The following GLYATL1 variants were observed in gnomAD, a reference collection of about 807,000 sequenced individuals.
GLYATL1 encodes the protein glycine N-acyltransferase-like protein 1.
A neutral mutation model predicts 20.0 loss-of-function variants in GLYATL1; 15 were observed. The ratio of observed to expected loss-of-function variants is 0.75; its 90% CI spans 0.50 to 1.15. The LOEUF is 1.15. Ranked by LOEUF, GLYATL1 falls within the 50% of genes most tolerant of loss-of-function variation. The probability of loss-of-function intolerance (pLI) is 0.00; values close to 1 mark genes in which losing one functional copy is unlikely to be tolerated. For synonymous variants in GLYATL1, 151 were observed against 131.5 expected (o/e 1.15, Z -1.01); for missense variants, 380 against 368.5 (o/e 1.03, Z -0.26).
At chr11:58,952,912 G>A (rs983027101) in intron 4 of GLYATL1, among the ~76,000 whole-genome samples, 7 of 152,166 alleles carry the variant, frequency 4.6e-5, no homozygotes, top group African/African-American at 1.7e-4. Flanking sequence ...ATCCGATCCA[G>A]CAATGTCTTT....
At chr11:58,926,605 T>TA (rs1855434909), upstream of GLYATL1, among the ~76,000 whole-genome samples, 4 of 152,314 alleles carry the variant, frequency 2.6e-5, no homozygotes, top group South Asian at 6.2e-4. Flanking sequence ...GACCCATCAG[T>TA]AAACAGTGTT....
rs762138680 is a variant in GLYATL1 at position 58,947,870 on chromosome 11, G to C, written c.91G>C (p.Val31Leu). 7.4e-6 allele frequency: 12 copies of C among 1,612,176 alleles called. No individual in the cohort carries two copies. The highest frequency in any genetic ancestry group is 1.1e-5 in the South Asian group (1 of 91,028). ...IPESLKVYGS[V>L]YHINHGNPFN... is the part of the protein sequence containing the mutation. ...ATCCCTCCTTCAGGTGTATGGCTCTGTGTATCACATCAATCACGGGAACCC... is the reference window on the plus strand; with the variant it reads ...ATCCCTCCTTCAGGTGTATGGCTCTCTGTATCACATCAATCACGGGAACCC... Residue 31 changes from valine to leucine, a missense_variant, in exon 4 of 7, where the codon GTG becomes CTG. By Grantham distance (32) the Val-to-Leu change is conservative (BLOSUM62 1). Transcript: ENST00000532726.
At chr11:58,906,930 A>C (rs1260360820) in intron 1 of GLYATL1, among the ~76,000 whole-genome samples, 7 of 152,162 alleles carry the variant, frequency 4.6e-5, no homozygotes, top group Non-Finnish European at 8.8e-5. Context: ...ACCCCGACAT[A>C]CTGAATCAGA....
rs565417125 is a variant in GLYATL1, at chr11:58,944,111, C to A, written c.-43+445C>A. Among the ~76,000 whole-genome samples, 19 of 152,164 alleles carry A rather than the reference C, an allele frequency of 1.2e-4. No individual in the cohort carries two copies. In the South Asian group the frequency reaches 3.9e-3, roughly 32 times the overall value. ...CTGGCTTATACATTAGGACTGTATA[C>A]CAAGTCTTACAGAAATGGCAAAACA... On this transcript the variant is annotated intron_variant, in intron 2 of 6. Coordinates refer to ENST00000532726, the MANE Select transcript of GLYATL1 (RefSeq NM_001389712.2).
intron 5 of GLYATL1, 92 bp downstream of exon 5, chr11:58,954,988 A>C (rs1204071200): frequency 1.1e-5 from 15 of 1,382,680 alleles, no homozygotes; most frequent in South Asian, 8.4e-5. Flanking sequence ...CTCATTAGAA[A>C]TGTAAATTCA....
At chr11:58,938,582 G>C (rs1412107903), upstream of GLYATL1, among the ~76,000 whole-genome samples, 1 of 152,178 alleles carries the variant, frequency 6.6e-6, no homozygotes, top group Admixed American at 6.5e-5. Context: ...TCAGAACTAA[G>C]CTAGGCCCGG....
chr11:58,937,130 G>A (rs982414578), upstream of GLYATL1, among the ~76,000 whole-genome samples: 2 of 152,138 alleles, frequency 1.3e-5, no homozygotes, highest in Non-Finnish European at 2.9e-5. Flanking sequence ...CTTGCCACCA[G>A]CCACCAGTCA....
upstream of GLYATL1, among the ~76,000 whole-genome samples, chr11:58,922,810 CT>C (rs1455485098): frequency 6.6e-6 from 1 of 152,184 alleles, no homozygotes; most frequent in African/African-American, 2.4e-5. Context: ...AATTTGAATT[CT>C]ATTTAGCCAT....
chr11:58,905,742 G>A (rs1021719794), intron 1 of GLYATL1: 1 of 369,448 alleles, frequency 2.7e-6, no homozygotes, highest in Non-Finnish European at 5.4e-6. Context: ...GACAAATAGG[G>A]AGGGTGGGCG....
Position 58,947,093 on chromosome 11 carries a change from C to G in GLYATL1, c.6C>G (p.Ile2Met). 1 of 1,613,956 alleles carries G rather than the reference C, an allele frequency of 6.2e-7. No individual in the cohort carries two copies. The change falls in exon 3 of 7, where the codon ATC (isoleucine) becomes ATG (methionine). Residue 2 changes from isoleucine to methionine, a missense_variant. Physicochemically the swap from Ile to Met is conservative, Grantham distance 10. Coordinates refer to ENST00000532726, the MANE Select transcript of GLYATL1 (RefSeq NM_001389712.2). M[I>M]LLNNSHKLLA... ...GGTCTGAAGCATCCCACAGAATGAT[C>G]CTACTGAATAACTCCCATAAGCTGC... is the stretch of plus-strand genomic sequence containing the variant.
chr11:58,942,413 C>T (rs1473467045), intron 1 of GLYATL1: 1 of 152,104 alleles, frequency 6.6e-6, no homozygotes, highest in Non-Finnish European at 1.5e-5. Context: ...ATAAGACATA[C>T]AGAAATGTGA....
chr11:58,953,390 G>GT (rs377318573), intron 4 of GLYATL1, among the ~76,000 whole-genome samples: 35,567 of 110,746 alleles, frequency 0.32, 5,377 homozygotes, highest in Non-Finnish European at 0.38. Context: ...CTTACAGTCT[G>GT]TTTTTTTTTT....
At chr11:58,943,960 CTT>C (rs59431757) in intron 2 of GLYATL1, among the ~76,000 whole-genome samples, 5,030 of 144,658 alleles carry the variant, frequency 0.035, 324 homozygotes, top group East Asian at 0.25. Flanking sequence ...CTTTTCTTTT[CTT>C]TTTTTTTTTT....
intron 1 of GLYATL1, among the ~76,000 whole-genome samples, chr11:58,915,317 T>A (rs1342765711): frequency 6.6e-6 from 1 of 152,158 alleles, no homozygotes; most frequent in Non-Finnish European, 1.5e-5. Flanking sequence ...AGAAAGTCCA[T>A]CCCACAGAGT....
chr11:58,907,269 C>A (rs1432717766), exon 2 of GLYATL1: 1 of 456,158 alleles, frequency 2.2e-6, no homozygotes, highest in East Asian at 6.9e-5. Flanking sequence ...GGCCTGTGAT[C>A]TCTTGTCACC....
chr11:58,932,631 A>G (rs1416472577), intron 1 of GLYATL1, among the ~76,000 whole-genome samples: 2 of 152,248 alleles, frequency 1.3e-5, no homozygotes, highest in Non-Finnish European at 2.9e-5. Context: ...ATTCTCTCTA[A>G]CTGTAAAAGT....
chr11:58,925,974 T>C (rs1017574711), upstream of GLYATL1, among the ~76,000 whole-genome samples: 2 of 152,208 alleles, frequency 1.3e-5, no homozygotes, highest in African/African-American at 2.4e-5. Flanking sequence ...ATCCTATAAA[T>C]GCAAAAGTTA....
intron 1 of GLYATL1, among the ~76,000 whole-genome samples, chr11:58,915,513 G>A (rs1300534053): frequency 6.6e-6 from 1 of 152,154 alleles, no homozygotes; most frequent in Non-Finnish European, 1.5e-5. Flanking sequence ...GCTGGGCCTG[G>A]CCAGCTGCTC....
At chr11:58,916,133 T>C (rs1432332080) in intron 1 of GLYATL1, among the ~76,000 whole-genome samples, 1 of 152,230 alleles carries the variant, frequency 6.6e-6, no homozygotes, top group Non-Finnish European at 1.5e-5. Flanking sequence ...TAGACTCTCC[T>C]TCCTCTTCCA....
Sources: allele counts gnomAD v4.1 joint callset (sites outside exome capture counted in the v4.1 genomes callset), GRCh38; gene constraint gnomAD v4.1.1; transcripts MANE v1.5; gene names NCBI Gene and HGNC (gene_info 2026-07-23, HGNC 2026-07-21).